Variants in NFIA observed in about 807,000 individuals in gnomAD.
NFIA encodes the protein nuclear factor 1 A-type.
In NFIA, 8 loss-of-function variants were observed where a neutral mutation model predicts 62.8. That is an observed-to-expected ratio of 0.13 (90% CI 0.07 to 0.23). The LOEUF is 0.23. Ranked by LOEUF, NFIA falls within the 10% of genes least tolerant of loss-of-function variation. NFIA has a pLI of 1.00. For synonymous variants in NFIA, 235 were observed against 238.1 expected (o/e 0.99, Z 0.12); for missense variants, 410 against 642.1 (o/e 0.64, Z 3.91).
chr1:61,166,941 A>G (rs1649609187), intron 2 of NFIA, among the ~76,000 whole-genome samples: 1 of 152,188 alleles, frequency 6.6e-6, no homozygotes, highest in Non-Finnish European at 1.5e-5. Flanking sequence ...GGAGATCGAG[A>G]CCATCCTGGC....
At chr1:61,239,949 G>T (rs992575905) in intron 2 of NFIA, among the ~76,000 whole-genome samples, 8 of 152,058 alleles carry the variant, frequency 5.3e-5, no homozygotes, top group African/African-American at 1.9e-4. Context: ...AGCAGAACGA[G>T]ATCGATAGAG....
chr1:61,207,610 T>C (rs918866440), intron 2 of NFIA, among the ~76,000 whole-genome samples: 28 of 152,090 alleles, frequency 1.8e-4, no homozygotes, highest in Non-Finnish European at 2.2e-4. Flanking sequence ...TGAGCACTCA[T>C]CTTTGACCAC....
chr1:61,393,059 T>C (rs1357485755), intron 7 of NFIA, among the ~76,000 whole-genome samples: 1 of 151,940 alleles, frequency 6.6e-6, no homozygotes, highest in Non-Finnish European at 1.5e-5. Context: ...CTTCCTGGTA[T>C]CGTACGCTTG....
intron 2 of NFIA, among the ~76,000 whole-genome samples, chr1:61,250,721 A>G (rs1291659539): frequency 6.6e-6 from 1 of 152,218 alleles, no homozygotes; most frequent in East Asian, 1.9e-4. Flanking sequence ...ATAACATGAC[A>G]TTGAAAAAGA....
chr1:61,215,081 G>T (rs990523042), intron 2 of NFIA, among the ~76,000 whole-genome samples: 2 of 152,030 alleles, frequency 1.3e-5, no homozygotes, highest in African/African-American at 4.8e-5. Flanking sequence ...ATTTCTCAGT[G>T]AATATATTTC....
intron 7 of NFIA, among the ~76,000 whole-genome samples, chr1:61,396,388 G>C (rs991268008): frequency 2.0e-5 from 3 of 151,924 alleles, no homozygotes; most frequent in African/African-American, 7.3e-5. Flanking sequence ...GGAATTACAG[G>C]CACCTGCCAC....
intron 2 of NFIA, among the ~76,000 whole-genome samples, chr1:61,101,547 C>T (rs1013495721): frequency 1.3e-5 from 2 of 151,928 alleles, no homozygotes; most frequent in South Asian, 2.1e-4. Flanking sequence ...AATGAAACAG[C>T]AGGAGAACGA....
At chr1:61,123,123 C>T (rs1339369349) in intron 2 of NFIA, among the ~76,000 whole-genome samples, 3 of 152,180 alleles carry the variant, frequency 2.0e-5, no homozygotes, top group East Asian at 3.8e-4. Context: ...GTATTTTGCA[C>T]GTTCTTCCAT....
chr1:61,186,675 T>C (rs962968635), intron 2 of NFIA, among the ~76,000 whole-genome samples: 1 of 152,214 alleles, frequency 6.6e-6, no homozygotes, highest in Non-Finnish European at 1.5e-5. Flanking sequence ...ATTAAGTTTC[T>C]TTTTAGGTAA....
chr1:61,406,784 C>T (rs1191077067), intron 9 of NFIA, 57 bp downstream of exon 9: 1 of 1,484,540 alleles, frequency 6.7e-7, no homozygotes, highest in Non-Finnish European at 9.0e-7. Context: ...CACTGGAATC[C>T]ACACTTAGGC....
chr1:61,338,724 T>C (rs1661746866), intron 4 of NFIA, among the ~76,000 whole-genome samples: 1 of 152,332 alleles, frequency 6.6e-6, no homozygotes, highest in South Asian at 2.1e-4. Flanking sequence ...GAAGGACTAA[T>C]GAGGAAATGG....
intron 10 of NFIA, among the ~76,000 whole-genome samples, chr1:61,429,162 A>T (rs1256065134): frequency 6.6e-6 from 1 of 152,234 alleles, no homozygotes; most frequent in Non-Finnish European, 1.5e-5. Context: ...GCAGCTTCAG[A>T]CTATCATAAG....
chr1:61,366,043 C>T (rs995088944), intron 6 of NFIA, among the ~76,000 whole-genome samples: 6 of 152,128 alleles, frequency 3.9e-5, no homozygotes, highest in African/African-American at 1.4e-4. Context: ...GTTCAAGTCT[C>T]ACTTGAAAGT....
chr1:61,094,653 C>T (rs1316684944), intron 2 of NFIA, among the ~76,000 whole-genome samples: 1 of 152,128 alleles, frequency 6.6e-6, no homozygotes, highest in Non-Finnish European at 1.5e-5. Context: ...TTGGCTCTTT[C>T]CCAGTAGGCA....
intron 2 of NFIA, among the ~76,000 whole-genome samples, chr1:61,153,229 C>T (rs1298335348): frequency 6.6e-6 from 1 of 152,218 alleles, no homozygotes; most frequent in Non-Finnish European, 1.5e-5. Flanking sequence ...TCTAGTTTGC[C>T]ATAATCCCCA....
chr1:61,174,805 C>T (rs960662056), intron 2 of NFIA, among the ~76,000 whole-genome samples: 4 of 152,182 alleles, frequency 2.6e-5, no homozygotes, highest in Non-Finnish European at 4.4e-5. Flanking sequence ...GTCTTTGAGA[C>T]GTTTAGCTTG....
chr1:61,455,196 C>A, intron 10 of NFIA, 107 bp from the exon 11 acceptor site: 1 of 1,119,608 alleles, frequency 8.9e-7, no homozygotes. Context: ...GCGAATCCCT[C>A]CCGCATCCCT....
chr1:61,157,585 T>G (rs900605365), intron 2 of NFIA, among the ~76,000 whole-genome samples: 1 of 152,220 alleles, frequency 6.6e-6, no homozygotes. Context: ...CAGCACTGTG[T>G]ATGGTTTAAA....
intron 2 of NFIA, among the ~76,000 whole-genome samples, chr1:61,222,440 C>T (rs893610357): frequency 6.6e-5 from 10 of 152,038 alleles, no homozygotes; most frequent in African/African-American, 2.4e-4. Context: ...TCATCTGTTA[C>T]ATGCAGATGT....
Sources: gnomAD v4.1 joint callset for allele counts (sites outside exome capture counted in the v4.1 genomes callset) on GRCh38, gnomAD v4.1.1 for gene constraint, MANE v1.5 for transcripts, NCBI Gene and HGNC (gene_info 2026-07-23, HGNC 2026-07-21) for gene names.